Variants in GPHN observed in about 807,000 individuals in gnomAD.
GPHN encodes the protein gephyrin.
A neutral mutation model predicts 95.5 loss-of-function variants in GPHN; 17 were observed. The observed-to-expected ratio is 0.18, with a 90% CI of 0.12 to 0.27. The LOEUF is 0.27. Ranked by LOEUF, GPHN falls within the 10% of genes least tolerant of loss-of-function variation. The pLI, the probability that GPHN is intolerant of heterozygous loss-of-function variation, is 1.00. For synonymous variants in GPHN, 320 were observed against 322.5 expected (o/e 0.99, Z 0.08); for missense variants, 660 against 978.1 (o/e 0.67, Z 4.34).
chr14:67,718,068 A>G, the GPHN span, among the ~76,000 whole-genome samples: 2 of 152,216 alleles, frequency 1.3e-5, no homozygotes, highest in Non-Finnish European at 2.9e-5. Context: ...ACAAGTCATT[A>G]TTATTGGTTA....
At chr14:67,100,803 C>G (rs1432897877) in intron 12 of GPHN, 53 bp from the exon 13 acceptor site, 1 of 1,150,446 alleles carries the variant, frequency 8.7e-7, no homozygotes, top group Non-Finnish European at 1.3e-6. Flanking sequence ...GGTTCTTGTT[C>G]CATGCTGTAG....
At chr14:67,048,833 A>G (rs2153640868) in intron 10 of GPHN, among the ~76,000 whole-genome samples, 1 of 152,340 alleles carries the variant, frequency 6.6e-6, no homozygotes, top group Non-Finnish European at 1.5e-5. Context: ...AATACATATG[A>G]GTTTAATAAA....
intron 1 of GPHN, among the ~76,000 whole-genome samples, chr14:66,640,838 A>G (rs1239703797): frequency 6.6e-6 from 1 of 152,178 alleles, no homozygotes; most frequent in Admixed American, 6.5e-5. Flanking sequence ...GACCTTGGGG[A>G]TGTATTTCAA....
chr14:67,023,275 C>G (rs188791225), intron 9 of GPHN, among the ~76,000 whole-genome samples: 163 of 152,052 alleles, frequency 1.1e-3, no homozygotes, highest in Middle Eastern at 3.4e-3. Context: ...TTATTCTAGT[C>G]AAGAGATATA....
chr14:67,673,135 G>T, the GPHN span, among the ~76,000 whole-genome samples: 2 of 152,158 alleles, frequency 1.3e-5, no homozygotes, highest in Non-Finnish European at 2.9e-5. Context: ...TTGAGGTCAG[G>T]AGTTAGAGAT....
intron 2 of GPHN, among the ~76,000 whole-genome samples, chr14:66,768,012 T>C (rs1313298089): frequency 6.6e-6 from 1 of 151,976 alleles, no homozygotes; most frequent in Non-Finnish European, 1.5e-5. Context: ...ATGAAAATTA[T>C]TCATAAATAT....
chr14:67,204,573 T>C, the GPHN span: 7 of 1,613,510 alleles, frequency 4.3e-6, no homozygotes, highest in African/African-American at 2.7e-5. Context: ...TTTCTGTGCA[T>C]GATGCGGAGA....
chr14:66,672,951 A>G (rs562586172), intron 1 of GPHN, among the ~76,000 whole-genome samples: 5 of 151,790 alleles, frequency 3.3e-5, no homozygotes, highest in Non-Finnish European at 7.4e-5. Context: ...CATATTTTAA[A>G]CTTTTTTATT....
At chr14:66,916,481 T>TG (rs1638846299) in intron 6 of GPHN, among the ~76,000 whole-genome samples, 4 of 150,922 alleles carry the variant, frequency 2.7e-5, no homozygotes, top group African/African-American at 2.4e-5. Context: ...GTCCAGAGTT[T>TG]TTTTTTTTTT....
chr14:67,004,448 G>A (rs2072460907), intron 9 of GPHN, among the ~76,000 whole-genome samples: 1 of 151,666 alleles, frequency 6.6e-6, no homozygotes, highest in African/African-American at 2.4e-5. Context: ...AATTAAATAT[G>A]GGGCCTTAAT....
chr14:67,571,640 C>T, the GPHN span: 26 of 1,041,314 alleles, frequency 2.5e-5, no homozygotes, highest in Admixed American at 3.3e-4. Flanking sequence ...TTCAGAGTCC[C>T]GGCTGGGGGT....
intron 17 of GPHN, among the ~76,000 whole-genome samples, chr14:67,128,870 A>C (rs1345418797): frequency 1.3e-5 from 2 of 150,046 alleles, no homozygotes; most frequent in East Asian, 3.9e-4. Flanking sequence ...ACTGGAGTGC[A>C]ATGGTGCGAT....
chr14:66,597,213 C>T (rs1034593498), intron 1 of GPHN, among the ~76,000 whole-genome samples: 5 of 152,134 alleles, frequency 3.3e-5, no homozygotes, highest in African/African-American at 1.2e-4. Flanking sequence ...TATTGGAAGA[C>T]ATGGATCAAA....
At chr14:66,598,050 TCTTA>T (rs2062059726) in intron 1 of GPHN, among the ~76,000 whole-genome samples, 1 of 152,194 alleles carries the variant, frequency 6.6e-6, no homozygotes, top group African/African-American at 2.4e-5. Context: ...ATACTCATGA[TCTTA>T]CTTATTATAA....
At chr14:67,667,334 G>T in the GPHN span, among the ~76,000 whole-genome samples, 3 of 151,944 alleles carry the variant, frequency 2.0e-5, no homozygotes, top group Non-Finnish European at 4.4e-5. Flanking sequence ...TTTGCTTTTG[G>T]TGCCTCACTG....
intron 1 of GPHN, among the ~76,000 whole-genome samples, chr14:66,566,903 TGTA>T (rs1417462949): frequency 2.4e-4 from 37 of 152,298 alleles, no homozygotes; most frequent in Middle Eastern, 3.4e-3. Context: ...TAGATTTGGC[TGTA>T]GATGCTGACT....
At chr14:66,940,012 G>T (rs927658196) in intron 8 of GPHN, among the ~76,000 whole-genome samples, 4 of 152,146 alleles carry the variant, frequency 2.6e-5, no homozygotes, top group African/African-American at 9.7e-5. Context: ...TGTACAGGGA[G>T]AAGGGGGACC....
intron 5 of GPHN, among the ~76,000 whole-genome samples, chr14:66,903,464 C>A (rs901402281): frequency 1.3e-5 from 2 of 152,060 alleles, no homozygotes; most frequent in African/African-American, 4.8e-5. Context: ...ATAACTACTC[C>A]TGCTCTGTTT....
chr14:66,514,383 G>A (rs1195781244), intron 1 of GPHN, among the ~76,000 whole-genome samples: 3 of 151,958 alleles, frequency 2.0e-5, no homozygotes, highest in Non-Finnish European at 4.4e-5. Context: ...TAAGAACTAT[G>A]TTCTCATACT....
Sources: allele counts gnomAD v4.1 joint callset (sites outside exome capture counted in the v4.1 genomes callset), GRCh38; gene constraint gnomAD v4.1.1; transcripts MANE v1.5; gene names NCBI Gene and HGNC (gene_info 2026-07-23, HGNC 2026-07-21).